The following ZC3H3 variants were observed in gnomAD, a reference collection of about 807,000 sequenced individuals.
ZC3H3 encodes zinc finger CCCH domain-containing protein 3.
ZC3H3 carries 36 observed loss-of-function variants against 77.3 expected under a neutral mutation model. That is an observed-to-expected ratio of 0.47 (90% CI 0.36 to 0.61). The LOEUF is 0.61. Ranked by LOEUF, ZC3H3 falls within the 20% of genes least tolerant of loss-of-function variation. ZC3H3 has a pLI of 0.00. For missense variants in ZC3H3, 1,331 were observed against 1,312.2 expected (o/e 1.01, Z -0.22); for synonymous variants, 626 against 555.2 (o/e 1.13, Z -1.79).
In ZC3H3 at chr8:143,441,071, GC is replaced by G; in HGVS notation, c.2356del (p.Ala786ArgfsTer113). 9 of 1,470,296 alleles carry G rather than the reference GC, an allele frequency of 6.1e-6. No individual in the cohort carries two copies. The highest frequency in any genetic ancestry group is 3.1e-5 in the Admixed American group (1 of 32,508). The allele number at this position is 1,470,296 out of a possible 1,614,324, so 91.1% of individuals were successfully genotyped here. A position where few individuals can be genotyped will look rare whatever the true frequency, so the allele number is the denominator to read the frequency against. Reference protein sequence around the residue: ...LLCPDFARRGACPRGAQCQLL... With the variant: ...LLCPDFARRGXCPRGAQCQLL... Reference sequence around the variant, plus strand: ...CTGGCACTGGGCGCCGCGGGGACACGCCCCCCTGCGGGCAAAGTCGGGGCAC... The same window carrying G: ...CTGGCACTGGGCGCCGCGGGGACACGCCCCCTGCGGGCAAAGTCGGGGCAC... On this transcript the variant is annotated frameshift_variant, in exon 10 of 12. Transcript: ENST00000262577. LOFTEE classifies it high-confidence loss of function.
Position 143,507,748 on chromosome 8 carries a change from G to T in ZC3H3, c.1713C>A (p.Ser571=). ...PSWRARRLSL[S]RSLVLNRLRP... is the part of the protein sequence containing the mutation. The stretch of plus-strand genomic sequence containing the variant: ...GAGCCTGCAGGAAGCCTTCCTACCT[G>T]GATAGTGAGAGCCGCCGGGCCCGCC... Residue 571 remains serine, a splice_region_variant and synonymous_variant, in exon 4 of 12, where the codon TCC becomes TCA. Coordinates refer to ENST00000262577, the MANE Select transcript of ZC3H3 (RefSeq NM_015117.3). 6.4e-7 allele frequency: 1 copy of T among 1,573,494 alleles called. No individual in the cohort carries two copies. The highest frequency in any genetic ancestry group is 8.6e-7 in the Non-Finnish European group (1 of 1,160,884).
intron 3 of ZC3H3, among the ~76,000 whole-genome samples, chr8:143,519,664 C>A (rs555943256): frequency 6.6e-6 from 1 of 152,100 alleles, no homozygotes; most frequent in Non-Finnish European, 1.5e-5. Context: ...TGCGCCACAG[C>A]GGCCCACACA....
chr8:143,443,247 T>A (rs898202267), intron 9 of ZC3H3, among the ~76,000 whole-genome samples: 2 of 132,242 alleles, frequency 1.5e-5, no homozygotes, highest in Non-Finnish European at 3.1e-5. Flanking sequence ...ATTGCACCAC[T>A]GCACTCCAGC....
chr8:143,474,578 C>A (rs982600210), intron 5 of ZC3H3, among the ~76,000 whole-genome samples: 10 of 152,336 alleles, frequency 6.6e-5, no homozygotes, highest in African/African-American at 2.4e-4. Flanking sequence ...ACGCTTCCTG[C>A]CTCTCCTCTG....
At chr8:143,514,495 C>T (rs1392598434) in intron 3 of ZC3H3, among the ~76,000 whole-genome samples, 3 of 152,240 alleles carry the variant, frequency 2.0e-5, no homozygotes, top group Admixed American at 6.5e-5. Context: ...CAGGAGCACA[C>T]GCAGAGACTG....
Position 143,494,044 on chromosome 8 carries a change from C to T in ZC3H3, c.1715+13702G>A, listed in dbSNP as rs551791443. ...TCCCATAAAATAAAACTCTAAAAAA[C>T]CTGCCGGAGTCCTGCCTCAGCAGCA... On this transcript the variant is annotated intron_variant, in intron 4 of 11. Transcript: ENST00000262577. The surrounding 1 kb of genome is among the most constrained non-coding windows in gnomAD (Gnocchi z 5.3). Among the ~76,000 whole-genome samples, 2 of 152,324 alleles carry T rather than the reference C, an allele frequency of 1.3e-5. No individual in the cohort carries two copies. The highest frequency in any genetic ancestry group is 4.1e-4 in the South Asian group (2 of 4,828).
At chr8:143,452,134 C>A (rs1192604161) in intron 9 of ZC3H3, among the ~76,000 whole-genome samples, 1 of 152,264 alleles carries the variant, frequency 6.6e-6, no homozygotes, top group Non-Finnish European at 1.5e-5. Flanking sequence ...GCACCCCCAG[C>A]CAGATCAGCA....
intron 4 of ZC3H3, among the ~76,000 whole-genome samples, chr8:143,503,006 G>C (rs1446608410): frequency 6.6e-6 from 1 of 152,214 alleles, no homozygotes; most frequent in Non-Finnish European, 1.5e-5. Flanking sequence ...CAGGGTCCCC[G>C]AGCCAGAGCA....
At chr8:143,456,349 A>T (rs1820122160) in intron 9 of ZC3H3, among the ~76,000 whole-genome samples, 1 of 152,218 alleles carries the variant, frequency 6.6e-6, no homozygotes, top group Admixed American at 6.5e-5. Context: ...ATATCAACTA[A>T]AAGACAGAGA....
intron 9 of ZC3H3, among the ~76,000 whole-genome samples, chr8:143,459,973 G>A (rs1055962179): frequency 1.3e-5 from 2 of 152,136 alleles, no homozygotes; most frequent in African/African-American, 4.8e-5. Context: ...GAGGCCGGGC[G>A]TGGTGGCTCA....
In ZC3H3 at chr8:143,454,663, G is replaced by A. The variant is rs1259817104; in HGVS notation, c.2307+11054C>T. On this transcript the variant is annotated intron_variant, in intron 9 of 11. Transcript: ENST00000262577. ...CTTGACCTCATGATCCACCTGCCTCGGCCTCCCAAAGTGCTGGGATTACAA... is the reference window on the plus strand; with the variant it reads ...CTTGACCTCATGATCCACCTGCCTCAGCCTCCCAAAGTGCTGGGATTACAA... 3.3e-5 allele frequency among the ~76,000 whole-genome samples: 5 copies of A among 151,844 alleles called. 1 individual carries two copies. The highest frequency in any genetic ancestry group is 3.9e-4 in the East Asian group (2 of 5,148).
rs749798501 is a variant in ZC3H3 at position 143,538,154 on chromosome 8, A to G, written c.1213T>C (p.Ser405Pro). 3 of 1,612,876 alleles carry G rather than the reference A, an allele frequency of 1.9e-6. No individual in the cohort carries two copies. Among genetic ancestry groups the G allele is most frequent in the Non-Finnish European group, 2.5e-6 (3 of 1,179,998 alleles). Residue 405 changes from serine (S) to proline (P), a missense_variant, in exon 2 of 12, where the codon TCC becomes CCC. By Grantham distance (74) the Ser-to-Pro change is moderately conservative (BLOSUM62 -1). This residue lies in a region of ZC3H3 where 978 missense variants were observed against 915.5 expected (regional missense o/e 1.07). Transcript: ENST00000262577. The stretch of plus-strand genomic sequence containing the variant: ...CTAGACAGGACTGGGGAGAGCTGGG[A>G]GGCATGGTCCTTGCTGCTGGCCTCC... ...QSEASSKDHA[S>P]QLSPVLSRSP... is the part of the protein sequence containing the mutation.
chr8:143,484,016 A>G (rs186801056), intron 4 of ZC3H3, among the ~76,000 whole-genome samples: 5 of 152,226 alleles, frequency 3.3e-5, no homozygotes, highest in Admixed American at 1.3e-4. Flanking sequence ...CCTGGGTGGG[A>G]GCTGAGAGCC....
rs80198347 is a variant in ZC3H3 at position 143,502,318 on chromosome 8, G to A, written c.1715+5428C>T. Among the ~76,000 whole-genome samples the A allele has an allele frequency of 3.6e-3, 552 of 152,396 alleles. 3 individuals are homozygous for A. The highest frequency in any genetic ancestry group is 0.013 in the African/African-American group (524 of 41,594). On this transcript the variant is annotated intron_variant, in intron 4 of 11. Coordinates refer to ENST00000262577, the MANE Select transcript of ZC3H3 (RefSeq NM_015117.3). Reference sequence around the variant, plus strand: ...AGGGTGGCTGGCGTCCCAGGAGGCTGTGCAGGCACACCTGCTCATTAAGGA... The same window carrying A: ...AGGGTGGCTGGCGTCCCAGGAGGCTATGCAGGCACACCTGCTCATTAAGGA...
intron 5 of ZC3H3, among the ~76,000 whole-genome samples, chr8:143,470,077 C>A (rs973834653): frequency 1.3e-5 from 2 of 152,212 alleles, no homozygotes; most frequent in African/African-American, 4.8e-5. Context: ...GCCGCAGACT[C>A]CCACCCGAGG....
At chr8:143,442,793 T>C (rs955247114) in intron 9 of ZC3H3, among the ~76,000 whole-genome samples, 5 of 152,240 alleles carry the variant, frequency 3.3e-5, no homozygotes, top group African/African-American at 9.6e-5. Flanking sequence ...TGATGACATG[T>C]TGAAATTTTT....
intron 9 of ZC3H3, among the ~76,000 whole-genome samples, chr8:143,441,397 C>T (rs1262370777): frequency 6.6e-6 from 1 of 152,162 alleles, no homozygotes; most frequent in African/African-American, 2.4e-5. Flanking sequence ...TGGGGACTCC[C>T]AGAGCCTGCA....
At chr8:143,448,640 C>A (rs894811323) in intron 9 of ZC3H3, among the ~76,000 whole-genome samples, 7 of 152,350 alleles carry the variant, frequency 4.6e-5, no homozygotes, top group Middle Eastern at 3.4e-3. Context: ...TTTTCAAGAG[C>A]CAGCACTGAG....
intron 3 of ZC3H3, among the ~76,000 whole-genome samples, chr8:143,536,053 C>T (rs768033716): frequency 6.6e-6 from 1 of 152,216 alleles, no homozygotes; most frequent in African/African-American, 2.4e-5. Context: ...CCCAGCAGCA[C>T]ATCCCACAGC....
Sources: allele counts gnomAD v4.1 joint callset (sites outside exome capture counted in the v4.1 genomes callset), GRCh38; gene constraint gnomAD v4.1.1; regional missense constraint gnomAD v4.1.1; non-coding constraint Gnocchi (gnomAD v3.1); transcripts MANE v1.5; gene names NCBI Gene and HGNC (gene_info 2026-07-23, HGNC 2026-07-21).